The following PITPNM3 variants were observed in gnomAD, a reference collection of about 807,000 sequenced individuals.
The protein encoded by PITPNM3 is membrane-associated phosphatidylinositol transfer protein 3.
Under a neutral mutation model 102.0 loss-of-function variants are expected in PITPNM3, and 26 were observed. That is an observed-to-expected ratio of 0.25 (90% CI 0.19 to 0.35). The LOEUF (loss-of-function observed/expected upper bound fraction) is 0.35, where lower values mean the gene tolerates loss of function less well. PITPNM3 is among the 10% of genes least tolerant of loss of function. PITPNM3 has a pLI of 1.00. For synonymous variants in PITPNM3, 578 were observed against 558.6 expected (o/e 1.03, Z -0.49); for missense variants, 1,083 against 1,346.1 (o/e 0.80, Z 3.06).
At chr17:6,513,833 G>A (rs1908001987) in intron 3 of PITPNM3, among the ~76,000 whole-genome samples, 1 of 152,148 alleles carries the variant, frequency 6.6e-6, no homozygotes, top group African/African-American at 2.4e-5. Context: ...AAACAATCTT[G>A]CAAAAGAAGA....
chr17:6,500,795 C>T (rs1327654196), intron 4 of PITPNM3, among the ~76,000 whole-genome samples: 1 of 152,094 alleles, frequency 6.6e-6, no homozygotes, highest in Non-Finnish European at 1.5e-5. Context: ...TCTGCCTCAG[C>T]CTCCCCAGTA....
chr17:6,477,352 G>A, intron 8 of PITPNM3, 139 bp from the exon 9 acceptor site: 1 of 901,048 alleles, frequency 1.1e-6, no homozygotes, highest in Non-Finnish European at 1.8e-6. Flanking sequence ...AAAGACACAG[G>A]AAGCCACATT....
intron 1 of PITPNM3, among the ~76,000 whole-genome samples, chr17:6,540,085 A>T (rs1909652237): frequency 6.6e-6 from 1 of 152,198 alleles, no homozygotes; most frequent in Admixed American, 6.5e-5. Context: ...CAGGGGTCCC[A>T]GCAGGAGGTC....
rs1904352247 is a variant in PITPNM3 at position 6,459,528 on chromosome 17, A to AAGCCATATCAGGTCCCGTGGCTGT, written c.2490+1821_2491-1807dup. ...TCCACCTGCAGCCCAGAACTACCCT[A>AAGCCATATCAGGTCCCGTGGCTGT]AGCCATATCAGGTCCCGTGGCTGTA... On this transcript the variant is annotated intron_variant, in intron 18 of 19. Transcript: ENST00000262483. The surrounding 1 kb of genome is among the most constrained non-coding windows in gnomAD (Gnocchi z 5.0). Among the ~76,000 whole-genome samples, 4 of 151,514 alleles carry AAGCCATATCAGGTCCCGTGGCTGT rather than the reference A, an allele frequency of 2.6e-5. No homozygotes were observed. Among genetic ancestry groups the AAGCCATATCAGGTCCCGTGGCTGT allele is most frequent in the Admixed American group, 2.6e-4 (4 of 15,218 alleles).
At chr17:6,501,145 C>T (rs1334789559) in intron 4 of PITPNM3, among the ~76,000 whole-genome samples, 1 of 152,212 alleles carries the variant, frequency 6.6e-6, no homozygotes, top group Non-Finnish European at 1.5e-5. Flanking sequence ...CGGAGACAAG[C>T]CCCATGTCGG....
At chr17:6,528,078 C>T (rs560734626) in intron 2 of PITPNM3, among the ~76,000 whole-genome samples, 16 of 152,318 alleles carry the variant, frequency 1.1e-4, no homozygotes, top group South Asian at 2.1e-4. Context: ...GCTTCTCTCA[C>T]GCTTTACATC....
intron 17 of PITPNM3, 81 bp from the exon 18 acceptor site, chr17:6,461,637 G>T: frequency 6.7e-7 from 1 of 1,501,112 alleles, no homozygotes; most frequent in Non-Finnish European, 9.3e-7. Flanking sequence ...GCCCGCAGCT[G>T]CCCTCCTGAG....
At chr17:6,503,252 C>T (rs1020256713) in intron 4 of PITPNM3, among the ~76,000 whole-genome samples, 2 of 152,212 alleles carry the variant, frequency 1.3e-5, no homozygotes, top group African/African-American at 4.8e-5. Context: ...CCACCCCTCA[C>T]TCTGGCCCTG....
chr17:6,554,660 G>C (rs1910506234), intron 1 of PITPNM3, among the ~76,000 whole-genome samples: 1 of 152,192 alleles, frequency 6.6e-6, no homozygotes, highest in Non-Finnish European at 1.5e-5. Context: ...GAGGGACTGA[G>C]ACTGGCACCC....
chr17:6,487,769 T>G (rs778991057), intron 4 of PITPNM3, among the ~76,000 whole-genome samples: 3 of 152,186 alleles, frequency 2.0e-5, no homozygotes, highest in Admixed American at 1.3e-4. Context: ...ACCCATGTGA[T>G]GCTCTGGGCA....
At chr17:6,495,211 A>G (rs544519750) in intron 4 of PITPNM3, among the ~76,000 whole-genome samples, 229 of 151,710 alleles carry the variant, frequency 1.5e-3, no homozygotes, top group Non-Finnish European at 2.5e-3. Flanking sequence ...ATTTTATACC[A>G]TGTATATGTG....
At chr17:6,529,076 T>C (rs1000786498) in intron 2 of PITPNM3, among the ~76,000 whole-genome samples, 1 of 152,162 alleles carries the variant, frequency 6.6e-6, no homozygotes, top group Non-Finnish European at 1.5e-5. Flanking sequence ...GGTTTTAGCA[T>C]GTACTTCACC....
intron 3 of PITPNM3, among the ~76,000 whole-genome samples, chr17:6,507,149 G>C (rs567773448): frequency 1.4e-3 from 215 of 152,196 alleles, no homozygotes; most frequent in African/African-American, 4.9e-3. Flanking sequence ...CTGGGTGGGG[G>C]TGGGGCTGAG....
At chr17:6,538,127 C>T in intron 1 of PITPNM3, 45 bp from the exon 2 acceptor site, 1 of 1,465,554 alleles carries the variant, frequency 6.8e-7, no homozygotes. Flanking sequence ...AGATGTTGTC[C>T]CAGTATGAGG....
At chr17:6,456,050 G>C (rs1597357263) in intron 19 of PITPNM3, among the ~76,000 whole-genome samples, 1 of 151,838 alleles carries the variant, frequency 6.6e-6, no homozygotes, top group Non-Finnish European at 1.5e-5. Flanking sequence ...TTGAGAAAGG[G>C]TCTCGCTGTG....
At chr17:6,465,411 C>A (rs765953611) in intron 14 of PITPNM3, among the ~76,000 whole-genome samples, 1 of 152,246 alleles carries the variant, frequency 6.6e-6, no homozygotes, top group African/African-American at 2.4e-5. Flanking sequence ...TGCTTATCTT[C>A]CAGATCCCCG....
chr17:6,462,554 C>T (rs188350609), intron 17 of PITPNM3, among the ~76,000 whole-genome samples: 1 of 152,334 alleles, frequency 6.6e-6, no homozygotes, highest in East Asian at 1.9e-4. Context: ...TTCCCTGCTT[C>T]CCAAGCAGAA....
intron 5 of PITPNM3, 61 bp downstream of exon 5, chr17:6,484,155 G>A: frequency 6.7e-7 from 1 of 1,501,764 alleles, no homozygotes; most frequent in Admixed American, 1.7e-5. Flanking sequence ...ATGATCCGAG[G>A]GCTCTTGCTA....
intron 14 of PITPNM3, among the ~76,000 whole-genome samples, chr17:6,466,271 C>T (rs1023798538): frequency 7.9e-5 from 12 of 152,358 alleles, no homozygotes; most frequent in African/African-American, 2.2e-4. Context: ...AAACACTCCT[C>T]GGACTCCTCA....
Sources: gnomAD v4.1 joint callset for allele counts (sites outside exome capture counted in the v4.1 genomes callset) on GRCh38, gnomAD v4.1.1 for gene constraint, Gnocchi (gnomAD v3.1) non-coding constraint, MANE v1.5 for transcripts, NCBI Gene and HGNC (gene_info 2026-07-23, HGNC 2026-07-21) for gene names.